Variants in PKP4 observed in about 807,000 individuals in gnomAD.
PKP4 encodes plakophilin-4.
In PKP4, 90 loss-of-function variants were observed where a neutral mutation model predicts 145.1. That is an observed-to-expected ratio of 0.62 (90% CI 0.52 to 0.74). The LOEUF (loss-of-function observed/expected upper bound fraction) is 0.74, where lower values mean the gene tolerates loss of function less well. PKP4 is among the 30% of genes least tolerant of loss of function. The probability of loss-of-function intolerance (pLI) is 0.00; values close to 1 mark genes in which losing one functional copy is unlikely to be tolerated. For synonymous variants in PKP4, 563 were observed against 577.2 expected (o/e 0.98, Z 0.35); for missense variants, 1,340 against 1,482.7 (o/e 0.90, Z 1.58).
chr2:158,581,100 G>A (rs186832338), intron 3 of PKP4, among the ~76,000 whole-genome samples: 39 of 152,292 alleles, frequency 2.6e-4, no homozygotes, highest in South Asian at 4.1e-4. Flanking sequence ...TGTGTCACTT[G>A]AGAGATCCCC....
chr2:158,619,439 G>A (rs554074749), intron 4 of PKP4, among the ~76,000 whole-genome samples: 10 of 152,150 alleles, frequency 6.6e-5, no homozygotes, highest in Admixed American at 1.3e-4. Context: ...TACTAAGAAT[G>A]TCAGCTAATC....
intron 1 of PKP4, among the ~76,000 whole-genome samples, chr2:158,482,844 G>T (rs7596700): frequency 0.16 from 23,584 of 151,578 alleles, 1,946 homozygotes; most frequent in Middle Eastern, 0.27. Flanking sequence ...AAAAAAAGAG[G>T]GGGGAAGGGA....
intron 17 of PKP4, among the ~76,000 whole-genome samples, chr2:158,670,244 T>G (rs2057441357): frequency 6.6e-6 from 1 of 152,224 alleles, no homozygotes; most frequent in Non-Finnish European, 1.5e-5. Context: ...CTCACAGTTC[T>G]AGAGGCCGGG....
Position 158,669,725 on chromosome 2 carries a change from T to TA in PKP4, c.2735dup (p.Tyr912Ter), listed in dbSNP as rs1256622749. ...DVRNKELIGK[Y>*]AMRDLVNRLP... ...TACTCTTTTGCCGTTGGCAGGCAAA[T>TA]ACGCCATGCGAGACCTGGTCAACCG... The change falls in exon 17 of 22, where the codon TAC becomes TAAC. Residue 912 changes from tyrosine to a stop codon, truncating the protein, a stop_gained and frameshift_variant. Coordinates refer to ENST00000389759, the MANE Select transcript of PKP4 (RefSeq NM_003628.6). LOFTEE classifies it high-confidence loss of function. The TA allele has an allele frequency of 6.4e-7, 1 of 1,561,970 alleles. No homozygotes were observed. The highest frequency in any genetic ancestry group is 1.4e-5 in the African/African-American group (1 of 73,482).
chr2:158,478,551 G>A (rs994756561), intron 1 of PKP4, among the ~76,000 whole-genome samples: 3 of 152,188 alleles, frequency 2.0e-5, no homozygotes, highest in Admixed American at 1.3e-4. Flanking sequence ...TTTTTGTTAA[G>A]TAGTTTTCTA....
chr2:158,550,677 C>T (rs1559310537), intron 2 of PKP4, among the ~76,000 whole-genome samples: 1 of 152,158 alleles, frequency 6.6e-6, no homozygotes. Flanking sequence ...TGGAGAATTC[C>T]TGCAATTCTA....
chr2:158,608,336 A>G (rs2050820673), intron 4 of PKP4, among the ~76,000 whole-genome samples: 2 of 152,204 alleles, frequency 1.3e-5, no homozygotes, highest in Admixed American at 1.3e-4. Context: ...AAAAATATAT[A>G]TGGTACACAA....
intron 2 of PKP4, among the ~76,000 whole-genome samples, chr2:158,550,143 A>ATTCT (rs564291706): frequency 4.8e-5 from 7 of 147,134 alleles, no homozygotes; most frequent in East Asian, 2.0e-4. Context: ...TGCCAAGAAG[A>ATTCT]AGTTAAACAA....
rs934791854 is a variant in PKP4, at chr2:158,581,011, A to G, written c.245+3628A>G. 2.6e-5 allele frequency among the ~76,000 whole-genome samples: 4 copies of G among 152,204 alleles called. No homozygotes were observed. In the East Asian group the frequency reaches 7.7e-4, roughly 29 times the overall value. ...ACCCAGCCAAATGATCATTGAATGGATAATGAACCTTAAGTCCAGGATGCT... is the reference window on the plus strand; with the variant it reads ...ACCCAGCCAAATGATCATTGAATGGGTAATGAACCTTAAGTCCAGGATGCT... On this transcript the variant is annotated intron_variant, in intron 3 of 21. Transcript: ENST00000389759.
intron 3 of PKP4, among the ~76,000 whole-genome samples, chr2:158,585,593 T>C (rs2048733041): frequency 6.6e-6 from 1 of 152,226 alleles, no homozygotes; most frequent in African/African-American, 2.4e-5. Context: ...CTTCAAATAA[T>C]GTATTCTTTA....
intron 3 of PKP4, among the ~76,000 whole-genome samples, chr2:158,578,432 T>A (rs1341094701): frequency 6.6e-6 from 1 of 152,132 alleles, no homozygotes; most frequent in Non-Finnish European, 1.5e-5. Flanking sequence ...AGAAAGAGAA[T>A]TATAAGCAAG....
Position 158,640,766 on chromosome 2 carries a change from G to A in PKP4, c.1695+7G>A, listed in dbSNP as rs1574913552. The A allele has an allele frequency of 1.2e-6, 2 of 1,613,822 alleles. No homozygotes were observed. The highest frequency in any genetic ancestry group is 4.5e-5 in the East Asian group (2 of 44,876). ...CAACAAAGTGAAGATGGAGGTACAG[G>A]ACATGGTGCCTGGGATGACTGGGGA... On this transcript the variant is annotated splice_region_variant and intron_variant, in intron 10 of 21. Coordinates refer to ENST00000389759, the MANE Select transcript of PKP4 (RefSeq NM_003628.6).
intron 1 of PKP4, chr2:158,457,710 T>G (rs1689033063): frequency 6.5e-6 from 1 of 153,594 alleles, no homozygotes; most frequent in South Asian, 2.0e-4. Flanking sequence ...TCCTGCACCT[T>G]GGTCCCCTCC....
intron 3 of PKP4, among the ~76,000 whole-genome samples, chr2:158,580,930 A>C (rs1246183323): frequency 6.6e-6 from 1 of 152,182 alleles, no homozygotes; most frequent in East Asian, 1.9e-4. Context: ...AACAGGTAGT[A>C]AGGCTCATTC....
intron 1 of PKP4, among the ~76,000 whole-genome samples, chr2:158,495,046 A>G (rs973429674): frequency 1.3e-5 from 2 of 151,474 alleles, no homozygotes; most frequent in African/African-American, 4.9e-5. Context: ...GTGAAACCCC[A>G]TCTCTACTAA....
chr2:158,505,168 A>T (rs2040853889), intron 1 of PKP4, among the ~76,000 whole-genome samples: 1 of 152,224 alleles, frequency 6.6e-6, no homozygotes, highest in Non-Finnish European at 1.5e-5. Context: ...TAAGGCACTG[A>T]TAGGAAAGGT....
chr2:158,668,511 C>T (rs1310224079), intron 16 of PKP4, among the ~76,000 whole-genome samples: 3 of 152,254 alleles, frequency 2.0e-5, no homozygotes, highest in Non-Finnish European at 4.4e-5. Flanking sequence ...CCGCCAGGCT[C>T]ACTCATTCAT....
intron 1 of PKP4, among the ~76,000 whole-genome samples, chr2:158,466,894 T>C (rs1690708952): frequency 6.6e-6 from 1 of 152,224 alleles, no homozygotes; most frequent in African/African-American, 2.4e-5. Flanking sequence ...TCTGTATCTG[T>C]ACCTTTTGTG....
chr2:158,671,514 A>G lies in PKP4; in HGVS notation c.2924+1599A>G, dbSNP rs983141071. Among the ~76,000 whole-genome samples the G allele has an allele frequency of 6.6e-5, 10 of 152,286 alleles. No individual in the cohort carries two copies. In the East Asian group the frequency reaches 1.5e-3, roughly 24 times the overall value. On this transcript the variant is annotated intron_variant, in intron 17 of 21. Coordinates refer to ENST00000389759, the MANE Select transcript of PKP4 (RefSeq NM_003628.6). ...GCCAGTGCCAGAACCTTTCCATATT[A>G]AGAAAATTGCTACCCAGTCTAATCT...
Sources: gnomAD v4.1 joint callset for allele counts (sites outside exome capture counted in the v4.1 genomes callset) on GRCh38, gnomAD v4.1.1 for gene constraint, MANE v1.5 for transcripts, NCBI Gene and HGNC (gene_info 2026-07-23, HGNC 2026-07-21) for gene names.